BPIFA2: variants seen among roughly 807,000 people sequenced by gnomAD.
The protein encoded by BPIFA2 is BPI fold containing family A member 2.
BPIFA2 carries 20 observed loss-of-function variants against 25.7 expected under a neutral mutation model. The observed-to-expected ratio is 0.78, with a 90% CI of 0.55 to 1.13. BPIFA2 has a LOEUF of 1.13. Ranked by LOEUF, BPIFA2 falls within the 50% of genes most tolerant of loss-of-function variation. The pLI, the probability that BPIFA2 is intolerant of heterozygous loss-of-function variation, is 0.00. For synonymous variants in BPIFA2, 126 were observed against 124.3 expected (o/e 1.01, Z -0.09); for missense variants, 300 against 298.1 (o/e 1.01, Z -0.05).
chr20:33,180,944 T>G (rs989103971), intron 8 of BPIFA2, among the ~76,000 whole-genome samples: 15 of 152,182 alleles, frequency 9.9e-5, no homozygotes, highest in African/African-American at 3.6e-4. Context: ...TGAACCTGGC[T>G]CCAGTAGTGG....
At chr20:33,163,458 G>T (rs1000008062), upstream of BPIFA2, among the ~76,000 whole-genome samples, 22 of 152,156 alleles carry the variant, frequency 1.4e-4, no homozygotes, top group Non-Finnish European at 8.8e-5. Context: ...TTGGGGCTGG[G>T]GGTGCTAGCG....
chr20:33,176,961 T>G (rs562921503), intron 5 of BPIFA2, among the ~76,000 whole-genome samples: 104 of 152,324 alleles, frequency 6.8e-4, no homozygotes, highest in African/African-American at 2.5e-3. Flanking sequence ...GCTCCTCCTA[T>G]TCTCTCTCGT....
rs2146450731 is a variant in BPIFA2, at chr20:33,169,318, T to C, written c.157+16T>C. On this transcript the variant is annotated intron_variant, in intron 2 of 8. Coordinates refer to ENST00000354932, the MANE Select transcript of BPIFA2 (RefSeq NM_080574.4). ...ACTCTTAAAGGTAAATCAACAAGGG[T>C]GATGAACAGTGTCACCTAAATTAGC... The C allele has an allele frequency of 6.2e-7, 1 of 1,612,138 alleles. No individual in the cohort carries two copies. The highest frequency in any genetic ancestry group is 2.2e-5 in the East Asian group (1 of 44,866).
intron 6 of BPIFA2, 65 bp from the exon 7 acceptor site, chr20:33,179,539 T>G: frequency 7.2e-7 from 1 of 1,388,472 alleles, no homozygotes; most frequent in Non-Finnish European, 1.0e-6. Flanking sequence ...TGTTCTCAGC[T>G]GAGAAGAATG....
chr20:33,181,088 TG>T (rs1984265581), intron 8 of BPIFA2, 135 bp from the exon 9 acceptor site: 1 of 153,360 alleles, frequency 6.5e-6, no homozygotes, highest in South Asian at 2.0e-4. Context: ...TTAAACCGCA[TG>T]GGGTATTGTG....
At position 33,163,032 on chromosome 20, in the gene BPIFA2, C is replaced by G. The variant is rs184131893; in HGVS notation, c.-16+1134C>G. Among the ~76,000 whole-genome samples the G allele has an allele frequency of 4.3e-3, 654 of 152,302 alleles. 2 individuals are homozygous for G. The highest frequency in any genetic ancestry group is 6.8e-3 in the Non-Finnish European group (466 of 68,036). On this transcript the variant is annotated intron_variant, in intron 1 of 8. Transcript: ENST00000253362. ...TTTGTGGAAAGTAATTGTCAGTGTG[C>G]GTGTTGGCCTCTGCCCCTGCTGGTG...
Position 33,162,560 on chromosome 20 carries a change from T to C in BPIFA2, c.-16+662T>C, listed in dbSNP as rs554558113. On this transcript the variant is annotated intron_variant, in intron 1 of 8. Coordinates refer to the BPIFA2 transcript ENST00000253362. ...CTGAGTTATCTTTACTGAGCACTTATGATGTGCCCGACACTGGGCTAACTC... is the reference window on the plus strand; with the variant it reads ...CTGAGTTATCTTTACTGAGCACTTACGATGTGCCCGACACTGGGCTAACTC... Among the ~76,000 whole-genome samples, 44 of 152,316 alleles carry C rather than the reference T, an allele frequency of 2.9e-4. No individual in the cohort carries two copies. The East Asian group carries it at 8.3e-3, about 29-fold the overall frequency.
rs143248492 is a variant in BPIFA2 at position 33,173,065 on chromosome 20, G to C, written c.291G>C (p.Thr97=). The C allele has an allele frequency of 1.4e-5, 23 of 1,613,666 alleles. No homozygotes were observed. Among genetic ancestry groups the C allele is most frequent in the Non-Finnish European group, 1.9e-5 (23 of 1,179,834 alleles). The change falls in exon 3 of 9, where the codon ACG becomes ACC. Residue 97 remains threonine (T), a synonymous_variant. Transcript: ENST00000354932. The part of the protein sequence containing the change: ...NVISKLLPTN[T]DIFGLKISNS... ...TTTCTAAGCTGCTTCCAACTAACAC[G>C]GACATTTTTGGGTGAGTTGGTCCTT...
Position 33,174,158 on chromosome 20 carries a change from CCT to C in BPIFA2, c.383_384del (p.Pro128ArgfsTer31). The C allele has an allele frequency of 6.2e-7, 1 of 1,614,130 alleles. No homozygotes were observed. The highest frequency in any genetic ancestry group is 8.5e-7 in the Non-Finnish European group (1 of 1,180,012). ...DDGKGLNLSFPVTANVTVAGP... is the reference protein window; with the variant it reads ...DDGKGLNLSFXVTANVTVAGP... ...TGGCAAAGGCCTTAACCTGAGCTTC[CCT>C]GTCACCGCGAATGTCACTGTGGCCG... On this transcript the variant is annotated frameshift_variant, in exon 4 of 9. Coordinates refer to ENST00000354932, the MANE Select transcript of BPIFA2 (RefSeq NM_080574.4). LOFTEE classifies it high-confidence loss of function.
intron 3 of BPIFA2, 97 bp downstream of exon 3, chr20:33,173,173 C>A: frequency 7.0e-7 from 1 of 1,420,924 alleles, no homozygotes; most frequent in Admixed American, 2.1e-5. Flanking sequence ...ATGGACAAGC[C>A]TCATTCCCCT....
At chr20:33,165,894 C>T (rs1983708958), upstream of BPIFA2, among the ~76,000 whole-genome samples, 2 of 152,112 alleles carry the variant, frequency 1.3e-5, no homozygotes, top group South Asian at 4.1e-4. Flanking sequence ...TCCGGAATGA[C>T]TCAGACCAGC....
intron 6 of BPIFA2, 66 bp from the exon 7 acceptor site, chr20:33,179,538 C>A: frequency 7.2e-7 from 1 of 1,379,990 alleles, no homozygotes; most frequent in Non-Finnish European, 1.0e-6. Flanking sequence ...TTGTTCTCAG[C>A]TGAGAAGAAT....
At chr20:33,180,434 G>T in intron 7 of BPIFA2, 86 bp from the exon 8 acceptor site, 2 of 1,451,142 alleles carry the variant, frequency 1.4e-6, no homozygotes, top group Non-Finnish European at 9.7e-7. Flanking sequence ...CAGGTTACCG[G>T]CTGGAGAGCG....
chr20:33,172,289 G>T (rs1384399977), intron 2 of BPIFA2, among the ~76,000 whole-genome samples: 1 of 152,100 alleles, frequency 6.6e-6, no homozygotes, highest in Non-Finnish European at 1.5e-5. Flanking sequence ...CCTAATGCAG[G>T]TGGGGCTTAA....
intron 4 of BPIFA2, 141 bp from the exon 5 acceptor site, chr20:33,175,266 A>G (rs930373656): frequency 1.2e-6 from 1 of 814,476 alleles, no homozygotes; most frequent in Non-Finnish European, 1.9e-6. Context: ...CATAGAGGAT[A>G]TGGACCATGT....
At position 33,180,533 on chromosome 20, in the gene BPIFA2, C is replaced by T. The variant is rs1240383161; in HGVS notation, c.723C>T (p.His241=). The T allele has an allele frequency of 1.9e-6, 3 of 1,613,566 alleles. No homozygotes were observed. Among genetic ancestry groups the T allele is most frequent in the Non-Finnish European group, 2.5e-6 (3 of 1,179,592 alleles). Residue 241 remains histidine, a synonymous_variant, in exon 8 of 9, where the codon CAC becomes CAT. Transcript: ENST00000354932. The part of the protein sequence containing the change: ...VIQQVVDNPQ[H]KTQLQTLI ...TTGTTTCTTCAGATAATCCTCAGCACAAAACCCAGCTGCAAACCCTCATCT... is the reference window on the plus strand; with the variant it reads ...TTGTTTCTTCAGATAATCCTCAGCATAAAACCCAGCTGCAAACCCTCATCT...
chr20:33,175,050 G>A (rs1984026743), intron 4 of BPIFA2, among the ~76,000 whole-genome samples: 1 of 152,136 alleles, frequency 6.6e-6, no homozygotes, highest in East Asian at 1.9e-4. Context: ...TAACCTCTCT[G>A]TACCAAGGTT....
In BPIFA2 at chr20:33,179,693, T is replaced by C. The variant is rs1984207810; in HGVS notation, c.709+26T>C. ...GTAAGTCAATGGGGAAGTGGGGACC[T>C]TCTGAGGCAGGCATGGAGCTCTGTG... On this transcript the variant is annotated intron_variant, in intron 7 of 8. Transcript: ENST00000354932. The C allele has an allele frequency of 6.3e-6, 10 of 1,583,584 alleles. No individual in the cohort carries two copies. The Middle Eastern group carries it at 1.3e-3, about 211-fold the overall frequency.
At chr20:33,174,649 A>G (rs1229350814) in intron 4 of BPIFA2, among the ~76,000 whole-genome samples, 1 of 152,166 alleles carries the variant, frequency 6.6e-6, no homozygotes, top group African/African-American at 2.4e-5. Context: ...GGTGGCTTAT[A>G]CCTGTAATCC....
Sources: gnomAD v4.1 joint callset for allele counts (sites outside exome capture counted in the v4.1 genomes callset) on GRCh38, gnomAD v4.1.1 for gene constraint, MANE v1.5 for transcripts, NCBI Gene and HGNC (gene_info 2026-07-23, HGNC 2026-07-21) for gene names.